Variants in FSIP1 observed in about 807,000 individuals in gnomAD.
The protein encoded by FSIP1 is fibrous sheath interacting protein 1, also known as fibrous sheath-interacting protein 1.
A neutral mutation model predicts 60.9 loss-of-function variants in FSIP1; 65 were observed. The observed-to-expected ratio is 1.07, with a 90% CI of 0.87 to 1.31. The LOEUF is 1.31. Among genes scored for constraint, FSIP1 ranks in the 40% most tolerant of loss-of-function variants. FSIP1 has a pLI of 0.00. For missense variants in FSIP1, 675 were observed against 665.5 expected, an observed-to-expected ratio of 1.01 and a Z score of -0.16; for synonymous variants, 209 against 221.2, an observed-to-expected ratio of 0.94 and a Z score of 0.49.
rs373020273 is a variant in FSIP1, at chr15:39,617,980, G to C, written c.1454C>G (p.Thr485Ser). The change falls in exon 11 of 12, where the codon ACT becomes AGT. Residue 485 changes from threonine to serine, a missense_variant. Coordinates refer to ENST00000350221, the MANE Select transcript of FSIP1 (RefSeq NM_152597.5). The part of the protein sequence containing the change: ...ECEASKGYYL[T>S]KALTGHNMSE... ...CATGTTATGTCCAGTCAAGGCTTTA[G>C]TGAGATAGTAGCCTTTAGAAGCTTC... 5.6e-5 allele frequency: 90 copies of C among 1,614,078 alleles called. No individual in the cohort carries two copies. Among genetic ancestry groups the C allele is most frequent in the Non-Finnish European group, 7.3e-5 (86 of 1,180,028 alleles).
chr15:39,770,791 C>T (rs1897859363), intron 2 of FSIP1, among the ~76,000 whole-genome samples, 181 bp from the exon 3 acceptor site: 1 of 152,208 alleles, frequency 6.6e-6, no homozygotes, highest in African/African-American at 2.4e-5. Flanking sequence ...CTACACAATT[C>T]CATGTAATAA....
At chr15:39,765,222 A>G (rs943160705) in intron 4 of FSIP1, among the ~76,000 whole-genome samples, 2 of 147,792 alleles carry the variant, frequency 1.4e-5, no homozygotes, top group African/African-American at 5.0e-5. Context: ...TTTCTTACTC[A>G]TCTTAGAGGA....
chr15:39,619,336 T>C lies in FSIP1; in HGVS notation c.1189-1091A>G, dbSNP rs1311262587. 2.0e-5 allele frequency among the ~76,000 whole-genome samples: 3 copies of C among 152,204 alleles called. No individual in the cohort carries two copies. The East Asian group carries it at 5.8e-4, about 29-fold the overall frequency. The stretch of plus-strand genomic sequence containing the variant: ...TTTAAAATTATGTTTAACTTACCTA[T>C]ATTAAAACTAGTTTTTACAGTGGCA... On this transcript the variant is annotated intron_variant, in intron 10 of 11. Transcript: ENST00000350221.
chr15:39,715,541 T>C (rs1432616158), intron 9 of FSIP1, among the ~76,000 whole-genome samples: 1 of 152,214 alleles, frequency 6.6e-6, no homozygotes, highest in Non-Finnish European at 1.5e-5. Flanking sequence ...ATTCTTATTG[T>C]ATACAGTTCT....
At chr15:39,641,987 G>C (rs1892389547) in intron 10 of FSIP1, among the ~76,000 whole-genome samples, 1 of 152,158 alleles carries the variant, frequency 6.6e-6, no homozygotes, top group South Asian at 2.1e-4. Context: ...AGAATAGGAT[G>C]TGGGTTGGGA....
intron 3 of FSIP1, among the ~76,000 whole-genome samples, chr15:39,768,605 G>A (rs1433771824): frequency 2.0e-5 from 3 of 152,206 alleles, no homozygotes; most frequent in Non-Finnish European, 2.9e-5. Context: ...CTCATAGGAA[G>A]ACAGTCATCC....
intron 9 of FSIP1, among the ~76,000 whole-genome samples, chr15:39,723,213 C>A (rs1896052638): frequency 1.3e-5 from 2 of 152,120 alleles, no homozygotes; most frequent in Non-Finnish European, 2.9e-5. Flanking sequence ...CTAGTAAATG[C>A]AAAAGTCAAA....
At chr15:39,729,076 A>G (rs1159668491) in intron 8 of FSIP1, among the ~76,000 whole-genome samples, 2 of 152,232 alleles carry the variant, frequency 1.3e-5, no homozygotes, top group East Asian at 3.8e-4. Flanking sequence ...GGCCATTACT[A>G]AAAAGTCAAA....
At chr15:39,773,587 C>T (rs1407134807) in intron 2 of FSIP1, among the ~76,000 whole-genome samples, 2 of 152,006 alleles carry the variant, frequency 1.3e-5, no homozygotes, top group African/African-American at 4.8e-5. Context: ...AAATTGTCAC[C>T]CAGAAATAAA....
chr15:39,748,146 TTA>T (rs1161156877), intron 5 of FSIP1, among the ~76,000 whole-genome samples: 2 of 152,196 alleles, frequency 1.3e-5, no homozygotes, highest in Non-Finnish European at 2.9e-5. Flanking sequence ...TCATTTCATG[TTA>T]ATATACTCTT....
rs1434673388 is a variant in FSIP1, at chr15:39,655,389, T to TC, written c.1189-37145dup. On this transcript the variant is annotated intron_variant, in intron 10 of 11. Transcript: ENST00000350221. The stretch of plus-strand genomic sequence containing the variant: ...CTATTATATCAAAAGGACATTTTCA[T>TC]CCTAGAATATTTTTCAGAAAAACAA... 9.2e-5 allele frequency among the ~76,000 whole-genome samples: 14 copies of TC among 152,322 alleles called. No homozygotes were observed. In the East Asian group the frequency reaches 2.5e-3, roughly 27 times the overall value.
intron 10 of FSIP1, among the ~76,000 whole-genome samples, chr15:39,695,428 C>T (rs1048733802): frequency 2.6e-5 from 4 of 152,098 alleles, no homozygotes; most frequent in Non-Finnish European, 5.9e-5. Context: ...CTACTTTACA[C>T]ACTTTACCCT....
chr15:39,763,421 T>C (rs1170362273), intron 5 of FSIP1, among the ~76,000 whole-genome samples: 2 of 152,176 alleles, frequency 1.3e-5, no homozygotes, highest in East Asian at 1.9e-4. Context: ...AATATAGGAC[T>C]GTGAGAGACC....
At chr15:39,658,144 A>G (rs952774393) in intron 10 of FSIP1, among the ~76,000 whole-genome samples, 1 of 152,144 alleles carries the variant, frequency 6.6e-6, no homozygotes, top group African/African-American at 2.4e-5. Context: ...ATCCATTAAC[A>G]TTAGTTTTCA....
chr15:39,650,315 T>C (rs2140434771), intron 10 of FSIP1, among the ~76,000 whole-genome samples: 1 of 152,360 alleles, frequency 6.6e-6, no homozygotes. Context: ...ATTTGGGAAA[T>C]GTTGCCTACT....
chr15:39,738,103 G>T lies in FSIP1; in HGVS notation c.879C>A (p.Leu293=). Residue 293 remains leucine, a synonymous_variant, in exon 8 of 12, where the codon CTC becomes CTA. Transcript: ENST00000350221. The part of the protein sequence containing the change: ...LKDLDEKDSG[L]SSSEGDQSGW... ...AGAGTTTACGTACCTCAGAACTGGAGAGCCCGGAATCTTTCTCATCCAAGT... is the reference window on the plus strand; with the variant it reads ...AGAGTTTACGTACCTCAGAACTGGATAGCCCGGAATCTTTCTCATCCAAGT... The T allele has an allele frequency of 6.2e-7, 1 of 1,607,472 alleles. No homozygotes were observed. The highest frequency in any genetic ancestry group is 1.7e-4 in the Middle Eastern group (1 of 6,050).
chr15:39,649,526 T>C (rs1004254783), intron 10 of FSIP1, among the ~76,000 whole-genome samples: 1 of 152,172 alleles, frequency 6.6e-6, no homozygotes, highest in African/African-American at 2.4e-5. Context: ...ATCTCTTGCT[T>C]TTGCATTTAT....
chr15:39,780,944 A>C (rs1016523124), intron 1 of FSIP1, among the ~76,000 whole-genome samples: 2 of 152,220 alleles, frequency 1.3e-5, no homozygotes, highest in Non-Finnish European at 2.9e-5. Context: ...AAAATTTCTT[A>C]GATACAACAT....
At chr15:39,628,891 C>G (rs1054201871) in intron 10 of FSIP1, among the ~76,000 whole-genome samples, 78 of 152,320 alleles carry the variant, frequency 5.1e-4, no homozygotes, top group Non-Finnish European at 1.0e-3. Flanking sequence ...TACTAACAAG[C>G]AACAATTTGC....
Sources: allele counts gnomAD v4.1 joint callset (sites outside exome capture counted in the v4.1 genomes callset), GRCh38; gene constraint gnomAD v4.1.1; transcripts MANE v1.5; gene names NCBI Gene and HGNC (gene_info 2026-07-23, HGNC 2026-07-21).